CACNA1A: variants seen among roughly 807,000 people sequenced by gnomAD.
CACNA1A encodes the protein calcium voltage-gated channel subunit alpha1 A.
In CACNA1A, 57 loss-of-function variants were observed where a neutral mutation model predicts 262.4. The observed-to-expected ratio is 0.22, with a 90% CI of 0.18 to 0.27. The LOEUF (loss-of-function observed/expected upper bound fraction) is 0.27, where lower values mean the gene tolerates loss of function less well. Ranked by LOEUF, CACNA1A falls within the 10% of genes least tolerant of loss-of-function variation. The pLI is 1.00. For synonymous variants in CACNA1A, 1,431 were observed against 1,419.3 expected, an observed-to-expected ratio of 1.01 and a Z score of -0.18; for missense variants, 2,526 against 3,562.8, an observed-to-expected ratio of 0.71 and a Z score of 7.41.
intron 3 of CACNA1A, among the ~76,000 whole-genome samples, chr19:13,437,443 C>A (rs2060630345): frequency 6.6e-6 from 1 of 152,144 alleles, no homozygotes; most frequent in East Asian, 1.9e-4. Context: ...CTAATCCCAG[C>A]ATTTTGGGAG....
chr19:13,221,679 C>T (rs1373390287), intron 38 of CACNA1A, among the ~76,000 whole-genome samples: 1 of 152,080 alleles, frequency 6.6e-6, no homozygotes, highest in Non-Finnish European at 1.5e-5. Context: ...TCAAAGTGAC[C>T]ATGATGACCA....
At chr19:13,464,384 G>A (rs185915991) in intron 1 of CACNA1A, among the ~76,000 whole-genome samples, 355 of 152,134 alleles carry the variant, frequency 2.3e-3, no homozygotes, top group Middle Eastern at 6.8e-3. Flanking sequence ...GGGCAACAGA[G>A]CAAGACCCTA....
At chr19:13,500,891 T>C (rs1428228910) in intron 1 of CACNA1A, among the ~76,000 whole-genome samples, 1 of 152,194 alleles carries the variant, frequency 6.6e-6, no homozygotes, top group African/African-American at 2.4e-5. Context: ...GGCAACAGCA[T>C]GAATGAATCT....
intron 1 of CACNA1A, among the ~76,000 whole-genome samples, chr19:13,491,212 C>A (rs1980847572): frequency 6.6e-6 from 1 of 152,162 alleles, no homozygotes; most frequent in Non-Finnish European, 1.5e-5. Flanking sequence ...TCTCCATTTG[C>A]TAGATGTGTG....
At chr19:13,383,635 C>T (rs11881930) in intron 3 of CACNA1A, among the ~76,000 whole-genome samples, 51,239 of 151,602 alleles carry the variant, frequency 0.34, 8,839 homozygotes, top group Middle Eastern at 0.4. Flanking sequence ...TTGAGAATTA[C>T]TATATTGGCT....
rs57087220 is a variant in CACNA1A at position 13,365,004 on chromosome 19, G to A, written c.784+313C>T. The A allele has an allele frequency of 0.11, 18,957 of 180,278 alleles. 1,944 individuals are homozygous for A. Among genetic ancestry groups the A allele is most frequent in the African/African-American group, 0.27 (11,506 of 42,560 alleles). 11.2% of individuals were successfully genotyped at this position (180,278 alleles called of 1,614,324 possible). A position where few individuals can be genotyped will look rare whatever the true frequency, so the allele number is the denominator to read the frequency against. ...GGGGATCCAGTCCCAGTTTTAAGTGGTAACCCGCTTGATAGCACACTCTTT... is the reference window on the plus strand; with the variant it reads ...GGGGATCCAGTCCCAGTTTTAAGTGATAACCCGCTTGATAGCACACTCTTT... On this transcript the variant is annotated intron_variant, in intron 5 of 46. Coordinates refer to ENST00000360228, the MANE Select transcript of CACNA1A (RefSeq NM_001127222.2).
At chr19:13,472,923 T>C (rs1406957049) in intron 1 of CACNA1A, among the ~76,000 whole-genome samples, 1 of 152,112 alleles carries the variant, frequency 6.6e-6, no homozygotes. Context: ...CTGGATTATC[T>C]GACGGGCTCA....
chr19:13,372,153 C>CTTTAT (rs557540548), intron 3 of CACNA1A, among the ~76,000 whole-genome samples: 160 of 151,940 alleles, frequency 1.1e-3, no homozygotes, highest in Middle Eastern at 0.01. Flanking sequence ...GTTTGTGGCT[C>CTTTAT]TTTATTTTAT....
At chr19:13,289,896 T>A (rs1259530193) in intron 19 of CACNA1A, among the ~76,000 whole-genome samples, 1 of 148,906 alleles carries the variant, frequency 6.7e-6, no homozygotes, top group South Asian at 2.1e-4. Context: ...GTTTCTATAT[T>A]ATATATATAA....
At chr19:13,370,607 G>A (rs1201465270) in intron 4 of CACNA1A, among the ~76,000 whole-genome samples, 1 of 138,990 alleles carries the variant, frequency 7.2e-6, no homozygotes, top group African/African-American at 2.7e-5. Flanking sequence ...TTTTTTTTTT[G>A]AGACAGGGTT....
At chr19:13,345,715 T>C (rs2058751115) in intron 6 of CACNA1A, among the ~76,000 whole-genome samples, 1 of 151,952 alleles carries the variant, frequency 6.6e-6, no homozygotes, top group African/African-American at 2.4e-5. Context: ...GGGGGTGGAT[T>C]TGAGTGTGAA....
At position 13,394,055 on chromosome 19, in the gene CACNA1A, T is replaced by G. The variant is rs555835595; in HGVS notation, c.540-22276A>C. 6.2e-4 allele frequency among the ~76,000 whole-genome samples: 94 copies of G among 152,284 alleles called. 1 individual carries two copies. The highest frequency in any genetic ancestry group is 1.9e-3 in the South Asian group (9 of 4,816). ...TGTGCTTTTCTGTATGTATGTTATA[T>G]TCAATAAAAGGTTAAAAATATATTT... On this transcript the variant is annotated intron_variant, in intron 3 of 46. Transcript: ENST00000360228.
chr19:13,375,572 G>A (rs1222882222), intron 3 of CACNA1A, among the ~76,000 whole-genome samples: 2 of 152,148 alleles, frequency 1.3e-5, no homozygotes, highest in African/African-American at 2.4e-5. Flanking sequence ...AGGATGGCTT[G>A]AGCCTAGGAG....
chr19:13,344,158 G>A (rs1431349690), intron 6 of CACNA1A, among the ~76,000 whole-genome samples: 10 of 147,410 alleles, frequency 6.8e-5, no homozygotes, highest in African/African-American at 2.5e-4. Flanking sequence ...AGGTTGCAGT[G>A]AGTCAAGATC....
In CACNA1A at chr19:13,245,314, C is replaced by T. The variant is rs764471872; in HGVS notation, c.4867-49G>A. 3 of 1,510,460 alleles carry T rather than the reference C, an allele frequency of 2.0e-6. No homozygotes were observed. In the South Asian group the frequency reaches 3.4e-5, roughly 17 times the overall value. The allele number at this position is 1,510,460 out of a possible 1,614,324, so 93.6% of individuals were successfully genotyped here. On this transcript the variant is annotated intron_variant, in intron 30 of 46. Transcript: ENST00000360228. ...GAGATGCCAACAGAGGGCTTGGTTC[C>T]CGGCCCCCTAGGCTGGCCGGGTGCA...
chr19:13,231,623 A>C, intron 35 of CACNA1A, 87 bp downstream of exon 35: 1 of 1,384,292 alleles, frequency 7.2e-7, no homozygotes, highest in East Asian at 2.5e-5. Context: ...AGCCTTCGAC[A>C]CAGCCACATT....
chr19:13,255,777 TTTCC>T (rs1307437745), intron 28 of CACNA1A, among the ~76,000 whole-genome samples: 3 of 89,946 alleles, frequency 3.3e-5, no homozygotes, highest in Admixed American at 2.5e-4. Context: ...CCCTCCCTCC[TTTCC>T]TTCCTTCCTC....
chr19:13,336,058 G>C (rs2058560223), intron 6 of CACNA1A, 149 bp from the exon 7 acceptor site: 5 of 568,726 alleles, frequency 8.8e-6, no homozygotes, highest in East Asian at 5.7e-5. Flanking sequence ...CATCCCAGAG[G>C]GGGAAATGGA....
Position 13,293,370 on chromosome 19 carries a change from C to A in CACNA1A, c.3089+5174G>T, listed in dbSNP as rs988864306. 2.1e-5 allele frequency among the ~76,000 whole-genome samples: 3 copies of A among 146,006 alleles called. No homozygotes were observed. The Admixed American group carries it at 2.1e-4, about 10-fold the overall frequency. ...CCAAAATGCTACAAAAAATTGCTAA[C>A]ATTTATTGAGCTCTTGGTATAAGCC... is the stretch of plus-strand genomic sequence containing the variant. On this transcript the variant is annotated intron_variant, in intron 19 of 46. Transcript: ENST00000360228.
Sources: allele counts gnomAD v4.1 joint callset (sites outside exome capture counted in the v4.1 genomes callset), GRCh38; gene constraint gnomAD v4.1.1; transcripts MANE v1.5; gene names NCBI Gene and HGNC (gene_info 2026-07-23, HGNC 2026-07-21).